DUSP22: variants seen among roughly 807,000 people sequenced by gnomAD.
The protein encoded by DUSP22 is dual specificity protein phosphatase 22.
A neutral mutation model predicts 24.5 loss-of-function variants in DUSP22; 24 were observed. The observed-to-expected ratio is 0.98, with a 90% CI of 0.71 to 1.38. The LOEUF is 1.38. DUSP22 is among the 40% of genes most tolerant of loss of function. DUSP22 has a pLI of 0.00. For synonymous variants in DUSP22, 160 were observed against 106.4 expected (o/e 1.50, Z -3.10); for missense variants, 330 against 269.2 (o/e 1.23, Z -1.58).
chr6:323,239 C>CAT (rs1758693174), intron 3 of DUSP22, among the ~76,000 whole-genome samples: 2 of 103,636 alleles, frequency 1.9e-5, no homozygotes, highest in Non-Finnish European at 4.0e-5. Context: ...GGCGTGTGTG[C>CAT]ATGTGTGTGT....
intron 1 of DUSP22, 110 bp from the exon 2 acceptor site, chr6:304,518 G>T (rs979935752): frequency 6.7e-7 from 1 of 1,494,922 alleles, no homozygotes; most frequent in Non-Finnish European, 9.3e-7. Context: ...GTGCTGTACT[G>T]GGGAAGCACC....
chr6:317,765 C>T (rs1758399672), intron 3 of DUSP22, among the ~76,000 whole-genome samples: 2 of 152,310 alleles, frequency 1.3e-5, no homozygotes, highest in Admixed American at 1.3e-4. Flanking sequence ...CAGCACTCGG[C>T]TTGGATCCAG....
chr6:292,591 G>A (rs1757138077), intron 1 of DUSP22, 31 bp downstream of exon 1: 3 of 1,587,638 alleles, frequency 1.9e-6, no homozygotes, highest in Non-Finnish European at 2.6e-6. Flanking sequence ...CGCTGGGTTT[G>A]CCTCCGCTCC....
chr6:336,700 G>A, intron 4 of DUSP22, among the ~76,000 whole-genome samples: 1 of 152,312 alleles, frequency 6.6e-6, no homozygotes, highest in Non-Finnish European at 1.5e-5. Flanking sequence ...TTCACAGAAA[G>A]GTGAACGTTT....
chr6:313,267 C>T (rs1758190674), intron 3 of DUSP22, among the ~76,000 whole-genome samples: 1 of 152,300 alleles, frequency 6.6e-6, no homozygotes, highest in Admixed American at 6.5e-5. Flanking sequence ...CCCAGGCCTG[C>T]CTCCCTGCTT....
intron 6 of DUSP22, 148 bp from the exon 7 acceptor site, chr6:348,621 C>G: frequency 7.2e-7 from 1 of 1,383,292 alleles, no homozygotes; most frequent in Non-Finnish European, 9.9e-7. Flanking sequence ...CCCTGGCTGG[C>G]CAACCACAGA....
At chr6:345,679 C>A (rs1380942376) in intron 4 of DUSP22, among the ~76,000 whole-genome samples, 175 bp from the exon 5 acceptor site, 1 of 152,300 alleles carries the variant, frequency 6.6e-6, no homozygotes, top group African/African-American at 2.4e-5. Flanking sequence ...GATTATTATA[C>A]AATGTATACA....
intron 3 of DUSP22, among the ~76,000 whole-genome samples, chr6:324,824 C>T (rs1758778626): frequency 6.6e-6 from 1 of 152,304 alleles, no homozygotes; most frequent in South Asian, 2.1e-4. Flanking sequence ...TCTACAAAGC[C>T]TGTAACCCAT....
chr6:345,157 G>C (rs1003127112), intron 4 of DUSP22, among the ~76,000 whole-genome samples: 5 of 152,284 alleles, frequency 3.3e-5, no homozygotes, highest in Non-Finnish European at 5.9e-5. Context: ...AGTATGACCA[G>C]GTTTTGATGG....
chr6:313,538 C>T (rs1236600523), intron 3 of DUSP22, among the ~76,000 whole-genome samples: 1 of 152,310 alleles, frequency 6.6e-6, no homozygotes, highest in Admixed American at 6.5e-5. Context: ...TCTTTTTATT[C>T]CCTGTGTAGC....
chr6:327,728 G>C (rs1291714820), intron 3 of DUSP22, among the ~76,000 whole-genome samples: 1 of 152,306 alleles, frequency 6.6e-6, no homozygotes, highest in Non-Finnish European at 1.5e-5. Context: ...AGAGAGCCTG[G>C]TGGGTATGTC....
At chr6:298,812 A>G (rs1757453371) in intron 1 of DUSP22, among the ~76,000 whole-genome samples, 1 of 152,306 alleles carries the variant, frequency 6.6e-6, no homozygotes, top group African/African-American at 2.4e-5. Context: ...TTAGCGTGTT[A>G]GACTCTGGGC....
chr6:304,886 C>T (rs1433313524), intron 2 of DUSP22, among the ~76,000 whole-genome samples: 1 of 76,530 alleles, frequency 1.3e-5, no homozygotes, highest in African/African-American at 5.1e-5. Context: ...AGCCACCATT[C>T]TGCTTTCTGC....
At chr6:346,399 G>C (rs887341628) in intron 5 of DUSP22, among the ~76,000 whole-genome samples, 2 of 152,268 alleles carry the variant, frequency 1.3e-5, no homozygotes, top group Non-Finnish European at 2.9e-5. Flanking sequence ...AGTGACGGCT[G>C]TCTGTTTGCA....
At chr6:304,400 A>G (rs1757724788) in intron 1 of DUSP22, among the ~76,000 whole-genome samples, 2 of 152,300 alleles carry the variant, frequency 1.3e-5, no homozygotes, top group South Asian at 4.1e-4. Flanking sequence ...GCAAATGAGG[A>G]TGACGGGGTC....
At chr6:323,672 C>T (rs1376416787) in intron 3 of DUSP22, among the ~76,000 whole-genome samples, 4 of 152,304 alleles carry the variant, frequency 2.6e-5, no homozygotes, top group Admixed American at 2.6e-4. Context: ...CACAGATTTC[C>T]CTGTCAGTTT....
At chr6:317,709 G>A (rs761057279) in intron 3 of DUSP22, among the ~76,000 whole-genome samples, 2 of 152,300 alleles carry the variant, frequency 1.3e-5, no homozygotes, top group South Asian at 2.1e-4. Context: ...AGCTGGCCTG[G>A]GAGCCCACAC....
At chr6:293,200 C>T (rs117078485) in intron 1 of DUSP22, among the ~76,000 whole-genome samples, 473 of 152,258 alleles carry the variant, frequency 3.1e-3, no homozygotes, top group East Asian at 0.026. Flanking sequence ...CTGTGTTGCT[C>T]CATTTGTCCC....
At chr6:307,027 C>G (rs919169576) in intron 2 of DUSP22, among the ~76,000 whole-genome samples, 3 of 152,302 alleles carry the variant, frequency 2.0e-5, no homozygotes. Flanking sequence ...CCGATCGATG[C>G]CAGGTCTGCA....
Sources: allele counts gnomAD v4.1 joint callset (sites outside exome capture counted in the v4.1 genomes callset), GRCh38; gene constraint gnomAD v4.1.1; transcripts MANE v1.5; gene names NCBI Gene and HGNC (gene_info 2026-07-23, HGNC 2026-07-21).